Variants in TMEM255B observed in about 807,000 individuals in gnomAD.
TMEM255B encodes transmembrane protein 255B, also known as family with sequence similarity 70, member B.
TMEM255B carries 35 observed loss-of-function variants against 34.5 expected under a neutral mutation model. The observed-to-expected ratio is 1.01, with a 90% CI of 0.77 to 1.34. The LOEUF (loss-of-function observed/expected upper bound fraction) is 1.34, where lower values mean the gene tolerates loss of function less well. TMEM255B is among the 40% of genes most tolerant of loss of function. The pLI, the probability that TMEM255B is intolerant of heterozygous loss-of-function variation, is 0.00. For synonymous variants in TMEM255B, 206 were observed against 201.2 expected, an observed-to-expected ratio of 1.02 and a Z score of -0.20; for missense variants, 432 against 433.2, an observed-to-expected ratio of 1.00 and a Z score of 0.02.
intron 1 of TMEM255B, among the ~76,000 whole-genome samples, chr13:113,764,342 G>A (rs2050354679): frequency 6.6e-6 from 1 of 152,224 alleles, no homozygotes; most frequent in Non-Finnish European, 1.5e-5. Context: ...GGGACCCGGA[G>A]GGCGCAGGTG....
chr13:113,797,342 A>G (rs1594154929), intron 4 of TMEM255B, among the ~76,000 whole-genome samples: 2 of 152,234 alleles, frequency 1.3e-5, no homozygotes, highest in East Asian at 3.9e-4. Context: ...GAGGAAGAAG[A>G]CAGATGGTGA....
intron 4 of TMEM255B, 31 bp downstream of exon 4, chr13:113,795,268 C>T (rs991644948): frequency 6.3e-7 from 1 of 1,594,630 alleles, no homozygotes; most frequent in African/African-American, 1.3e-5. Context: ...TGCACAGTCG[C>T]TTTCCGGGGC....
intron 5 of TMEM255B, 72 bp downstream of exon 5, chr13:113,799,491 C>A: frequency 1.4e-6 from 2 of 1,402,992 alleles, no homozygotes; most frequent in African/African-American, 1.4e-5. Context: ...GTTTTCCCTG[C>A]ACATAGGCGT....
At chr13:113,764,934 A>C (rs967753315) in intron 1 of TMEM255B, among the ~76,000 whole-genome samples, 65 of 152,300 alleles carry the variant, frequency 4.3e-4, no homozygotes, top group Admixed American at 2.0e-3. Context: ...TGCGGCCTGG[A>C]GTATAACACT....
intron 3 of TMEM255B, among the ~76,000 whole-genome samples, chr13:113,792,905 T>C (rs924982731): frequency 2.6e-5 from 4 of 152,116 alleles, no homozygotes; most frequent in African/African-American, 7.2e-5. Context: ...GGCGGGGAGG[T>C]GCCTGTTTTG....
chr13:113,811,705 G>C (rs1471132828), intron 8 of TMEM255B, 31 bp from the exon 9 acceptor site: 2 of 1,612,212 alleles, frequency 1.2e-6, no homozygotes, highest in Admixed American at 1.7e-5. Flanking sequence ...GGTCTCACCT[G>C]CTAACCCAGG....
chr13:113,804,823 C>G (rs1475150393), intron 7 of TMEM255B, 62 bp from the exon 8 acceptor site: 3 of 1,455,246 alleles, frequency 2.1e-6, no homozygotes, highest in Non-Finnish European at 2.8e-6. Context: ...TCTAGGAAGG[C>G]TGGACAGCCC....
At chr13:113,800,355 C>T (rs974450289) in intron 5 of TMEM255B, among the ~76,000 whole-genome samples, 1 of 129,862 alleles carries the variant, frequency 7.7e-6, no homozygotes, top group Non-Finnish European at 1.6e-5. Context: ...GGGGGTGTCC[C>T]CTGGCCAGGG....
At chr13:113,796,432 A>G (rs2050940140) in intron 4 of TMEM255B, among the ~76,000 whole-genome samples, 1 of 140,090 alleles carries the variant, frequency 7.1e-6, no homozygotes, top group Non-Finnish European at 1.6e-5. Flanking sequence ...CACACCACAC[A>G]GAGCACACAC....
At chr13:113,765,990 T>A in intron 1 of TMEM255B, 125 bp from the exon 2 acceptor site, 1 of 1,305,272 alleles carries the variant, frequency 7.7e-7, no homozygotes, top group East Asian at 2.3e-5. Context: ...GAGGTGGGCC[T>A]GGAGGCAGGC....
chr13:113,793,236 A>T (rs1254194467), intron 3 of TMEM255B, among the ~76,000 whole-genome samples: 1 of 152,146 alleles, frequency 6.6e-6, no homozygotes, highest in Non-Finnish European at 1.5e-5. Flanking sequence ...CCACTGGGAG[A>T]CAGAGCTCAG....
intron 3 of TMEM255B, among the ~76,000 whole-genome samples, chr13:113,771,133 C>T (rs1014187994): frequency 6.6e-6 from 1 of 152,090 alleles, no homozygotes; most frequent in African/African-American, 2.4e-5. Context: ...AGCAAGAAAC[C>T]CACACCCTTC....
chr13:113,799,942 T>C, intron 5 of TMEM255B: 1 of 1,292,022 alleles, frequency 7.7e-7, no homozygotes, highest in South Asian at 1.2e-5. Context: ...GATTCCTGGC[T>C]TTAACTAAAC....
chr13:113,790,971 G>A (rs1218082552), intron 3 of TMEM255B, among the ~76,000 whole-genome samples: 1 of 152,262 alleles, frequency 6.6e-6, no homozygotes, highest in Non-Finnish European at 1.5e-5. Flanking sequence ...CTGCGAGGAC[G>A]TTCGCAGGGT....
chr13:113,779,517 G>T (rs2050634908), intron 3 of TMEM255B, among the ~76,000 whole-genome samples: 1 of 151,014 alleles, frequency 6.6e-6, no homozygotes, highest in Non-Finnish European at 1.5e-5. Context: ...AGGGGTGGAA[G>T]AGGTGGATTT....
At chr13:113,775,999 G>T (rs1028951350) in intron 3 of TMEM255B, among the ~76,000 whole-genome samples, 33 of 152,342 alleles carry the variant, frequency 2.2e-4, no homozygotes, top group Admixed American at 1.9e-3. Context: ...GTGAGCTGAA[G>T]CTGAGTCTTC....
At chr13:113,800,093 TGTGG>T (rs2051016663) in intron 5 of TMEM255B, 3 of 1,109,766 alleles carry the variant, frequency 2.7e-6, no homozygotes, top group African/African-American at 1.9e-5. Context: ...TGTGTGTGTG[TGTGG>T]GGGGGGGTAG....
rs1373228022 is a variant in TMEM255B at position 113,813,519 on chromosome 13, TC to T, written c.*1618del. ...GAGCCACACTCGTGCAGACACAGCC[TC>T]CTGCCCCCTCTGCTGCCCGGGAGCC... is the stretch of plus-strand genomic sequence containing the variant. On this transcript the variant is annotated 3_prime_UTR_variant, in exon 9 of 9. Transcript: ENST00000375353. 6.6e-6 allele frequency: 1 copy of T among 152,158 alleles called. No homozygotes were observed. Among genetic ancestry groups the T allele is most frequent in the African/African-American group, 2.4e-5 (1 of 41,408 alleles). The allele number at this position is 152,158 out of a possible 1,614,324, so 9.4% of individuals were successfully genotyped here.
intron 1 of TMEM255B, among the ~76,000 whole-genome samples, chr13:113,764,008 AGGGCAGGTGTCG>A (rs931742601): frequency 3.3e-5 from 5 of 152,156 alleles, no homozygotes; most frequent in African/African-American, 1.2e-4. Context: ...CCCCTCATGC[AGGGCAGGTGTCG>A]GGTGCCTGGG....
Sources: gnomAD v4.1 joint callset for allele counts (sites outside exome capture counted in the v4.1 genomes callset) on GRCh38, gnomAD v4.1.1 for gene constraint, MANE v1.5 for transcripts, NCBI Gene and HGNC (gene_info 2026-07-23, HGNC 2026-07-21) for gene names.